CRACD: variants seen among roughly 807,000 people sequenced by gnomAD.
CRACD encodes the protein capping protein-inhibiting regulator of actin dynamics.
CRACD carries 56 observed loss-of-function variants against 106.8 expected under a neutral mutation model. The ratio of observed to expected loss-of-function variants is 0.52; its 90% CI spans 0.42 to 0.66. The LOEUF (loss-of-function observed/expected upper bound fraction) is 0.66. Among genes scored for constraint, CRACD ranks in the 30% least tolerant of loss-of-function variants. CRACD has a pLI of 0.00. For missense variants in CRACD, 1,730 were observed against 1,623.2 expected (o/e 1.07, Z -1.13); for synonymous variants, 754 against 670.8 (o/e 1.12, Z -1.92).
intron 1 of CRACD, among the ~76,000 whole-genome samples, chr4:56,072,541 A>G (rs1022471924): frequency 6.6e-6 from 1 of 152,190 alleles, no homozygotes; most frequent in African/African-American, 2.4e-5. Context: ...GGTTTTTAGT[A>G]TATTCACAGA....
chr4:56,314,119 C>G lies in CRACD; in HGVS notation c.617C>G (p.Thr206Arg), dbSNP rs552787892. ...GGACACCCAGGCGAGGACAAGCCAACGTGGCACGAAGAGGAACCCAATCCG... is the reference window on the plus strand; with the variant it reads ...GGACACCCAGGCGAGGACAAGCCAAGGTGGCACGAAGAGGAACCCAATCCG... The part of the protein sequence containing the change: ...QNGHPGEDKP[T>R]WHEEEPNPLD... Residue 206 changes from threonine (T) to arginine (R), a missense_variant, in exon 8 of 11, where the codon ACG becomes AGG. Coordinates refer to ENST00000682029, the MANE Select transcript of CRACD (RefSeq NM_001393381.1). This position sits in a 1 kb window ranked among gnomAD's most constrained non-coding sequence, Gnocchi z 4.4. The G allele has an allele frequency of 2.3e-5, 37 of 1,614,180 alleles. No homozygotes were observed. Among genetic ancestry groups the G allele is most frequent in the Non-Finnish European group, 3.1e-5 (37 of 1,180,046 alleles).
chr4:56,112,361 A>G (rs542673024), intron 1 of CRACD, among the ~76,000 whole-genome samples: 1 of 152,328 alleles, frequency 6.6e-6, no homozygotes, highest in South Asian at 2.1e-4. Context: ...CAAAGTCGTA[A>G]ATCAGGTTGT....
At chr4:56,139,644 T>C (rs1475440616) in intron 1 of CRACD, among the ~76,000 whole-genome samples, 3 of 152,108 alleles carry the variant, frequency 2.0e-5, no homozygotes, top group Middle Eastern at 3.2e-3. Flanking sequence ...AATGAAGCAA[T>C]GACAGTGTGA....
chr4:56,219,275 T>A (rs1738904653), intron 2 of CRACD, among the ~76,000 whole-genome samples: 1 of 152,164 alleles, frequency 6.6e-6, no homozygotes, highest in Admixed American at 6.5e-5. Flanking sequence ...AACAGTAAGA[T>A]TAAGGAAATG....
intron 2 of CRACD, among the ~76,000 whole-genome samples, chr4:56,214,681 C>CTCTCTCTCTATATATATATATATA: frequency 6.2e-5 from 5 of 80,988 alleles, no homozygotes; most frequent in African/African-American, 2.1e-4. Context: ...CTCTCTCTCT[C>CTCTCTCTCTATATATATATATATA]TATATATATA....
At chr4:56,111,604 C>T (rs1023643971) in intron 1 of CRACD, among the ~76,000 whole-genome samples, 2 of 152,166 alleles carry the variant, frequency 1.3e-5, no homozygotes, top group Non-Finnish European at 2.9e-5. Flanking sequence ...TGCAGTGGCG[C>T]AATCTTGGCT....
intron 2 of CRACD, among the ~76,000 whole-genome samples, chr4:56,182,982 C>G (rs1329198760): frequency 6.6e-6 from 1 of 151,046 alleles, no homozygotes; most frequent in Non-Finnish European, 1.5e-5. Context: ...CCTGTAATCT[C>G]AGTACTTTGG....
chr4:56,201,785 G>A (rs971510842), intron 2 of CRACD, among the ~76,000 whole-genome samples: 6 of 152,170 alleles, frequency 3.9e-5, no homozygotes, highest in Middle Eastern at 3.2e-3. Context: ...CTATGAGAGT[G>A]TAATTCATTG....
chr4:56,074,854 C>T (rs978685310), intron 1 of CRACD, among the ~76,000 whole-genome samples: 4 of 152,120 alleles, frequency 2.6e-5, no homozygotes, highest in Non-Finnish European at 5.9e-5. Context: ...TTTTGAGATA[C>T]GTTCCATCAA....
chr4:56,074,353 T>G (rs555338982), intron 1 of CRACD, among the ~76,000 whole-genome samples: 5 of 152,328 alleles, frequency 3.3e-5, no homozygotes, highest in Admixed American at 3.3e-4. Flanking sequence ...GTGTCTTCTC[T>G]TATTTCCTTG....
intron 1 of CRACD, among the ~76,000 whole-genome samples, chr4:56,169,123 A>G (rs1487258185): frequency 1.3e-5 from 2 of 152,190 alleles, no homozygotes; most frequent in Non-Finnish European, 2.9e-5. Flanking sequence ...CCACTGCCAG[A>G]GAACAAACAA....
At chr4:56,324,079 C>T (rs535050889) in intron 9 of CRACD, 25 bp from the exon 10 acceptor site, 1 of 1,586,646 alleles carries the variant, frequency 6.3e-7, no homozygotes, top group South Asian at 1.2e-5. Context: ...AAACATGTTT[C>T]CCATGACTGT....
intron 1 of CRACD, 83 bp downstream of exon 1, chr4:56,049,382 C>A (rs1731785532): frequency 6.6e-6 from 1 of 151,998 alleles, no homozygotes. Context: ...CCCCTCCGGG[C>A]CGGGCCCCCG....
At chr4:56,170,727 C>G (rs1025023127) in intron 1 of CRACD, among the ~76,000 whole-genome samples, 1 of 151,974 alleles carries the variant, frequency 6.6e-6, no homozygotes, top group Non-Finnish European at 1.5e-5. Context: ...TGTAGTAGTC[C>G]CAGCTTGAGG....
At position 56,314,829 on chromosome 4, in the gene CRACD, G is replaced by A. The variant is rs781206571; in HGVS notation, c.1327G>A (p.Glu443Lys). 6.2e-7 allele frequency: 1 copy of A among 1,610,832 alleles called. No individual in the cohort carries two copies. The highest frequency in any genetic ancestry group is 2.2e-5 in the East Asian group (1 of 44,732). The change falls in exon 8 of 11, where the codon GAA becomes AAA. Residue 443 changes from glutamate (E) to lysine (K), a missense_variant. Physicochemically the swap from Glu to Lys is moderately conservative, Grantham distance 56 (BLOSUM62 1). Transcript: ENST00000682029. The surrounding 1 kb of genome is among the most constrained non-coding windows in gnomAD (Gnocchi z 4.4). ...ACGCCTGAAACCCGAAGGACAAAGAGAACACTCCGAGGAGCCAGGTATTTG... is the reference window on the plus strand; with the variant it reads ...ACGCCTGAAACCCGAAGGACAAAGAAAACACTCCGAGGAGCCAGGTATTTG... Reference protein sequence around the residue: ...QERLKPEGQREHSEEPGICEE... With the variant: ...QERLKPEGQRKHSEEPGICEE...
chr4:56,288,303 G>A lies in CRACD; in HGVS notation c.-16-9911G>A, dbSNP rs768088175. Among the ~76,000 whole-genome samples, 53 of 151,598 alleles carry A rather than the reference G, an allele frequency of 3.5e-4. 1 individual carries two copies. Among genetic ancestry groups the A allele is most frequent in the South Asian group, 2.7e-3 (13 of 4,798 alleles). On this transcript the variant is annotated intron_variant, in intron 3 of 10. Transcript: ENST00000682029. ...TAGGTTTGTTACAAGGGTATATTACGTGATGCTGAGGTTTGAGCTTCGTTT... is the reference window on the plus strand; with the variant it reads ...TAGGTTTGTTACAAGGGTATATTACATGATGCTGAGGTTTGAGCTTCGTTT...
At chr4:56,201,662 T>C (rs1737886702) in intron 2 of CRACD, among the ~76,000 whole-genome samples, 1 of 152,184 alleles carries the variant, frequency 6.6e-6, no homozygotes, top group Non-Finnish European at 1.5e-5. Context: ...GAAAACAGTT[T>C]TTCAAGTCCA....
At chr4:56,107,599 A>G (rs1733990931) in intron 1 of CRACD, among the ~76,000 whole-genome samples, 1 of 152,002 alleles carries the variant, frequency 6.6e-6, no homozygotes, top group Admixed American at 6.6e-5. Context: ...TGGTCTTTTC[A>G]GGGCTACCCC....
intron 10 of CRACD, among the ~76,000 whole-genome samples, chr4:56,325,707 C>G (rs1746397902): frequency 6.6e-6 from 1 of 152,164 alleles, no homozygotes; most frequent in African/African-American, 2.4e-5. Context: ...ATGGATGACT[C>G]TGAACAGGCT....
Sources: allele counts gnomAD v4.1 joint callset (sites outside exome capture counted in the v4.1 genomes callset), GRCh38; gene constraint gnomAD v4.1.1; non-coding constraint Gnocchi (gnomAD v3.1); transcripts MANE v1.5; gene names NCBI Gene and HGNC (gene_info 2026-07-23, HGNC 2026-07-21).